Variants in AGTPBP1 observed in about 807,000 individuals in gnomAD.
AGTPBP1 encodes the protein cytosolic carboxypeptidase 1.
In AGTPBP1, 70 loss-of-function variants were observed where a neutral mutation model predicts 143.9. The ratio of observed to expected loss-of-function variants is 0.49; its 90% CI spans 0.40 to 0.59. The LOEUF is 0.59. Among genes scored for constraint, AGTPBP1 ranks in the 20% least tolerant of loss-of-function variants. The pLI, the probability that AGTPBP1 is intolerant of heterozygous loss-of-function variation, is 0.00. For missense variants in AGTPBP1, 1,229 were observed against 1,464.5 expected, an observed-to-expected ratio of 0.84 and a Z score of 2.62; for synonymous variants, 463 against 500.2, an observed-to-expected ratio of 0.93 and a Z score of 0.99.
chr9:85,596,964 A>G (rs1347910979), intron 17 of AGTPBP1, among the ~76,000 whole-genome samples: 1 of 152,134 alleles, frequency 6.6e-6, no homozygotes, highest in African/African-American at 2.4e-5. Context: ...TCTTAGAAAT[A>G]TATTTTCCAC....
In AGTPBP1 at chr9:85,690,809, T is replaced by G. The variant is rs73478994; in HGVS notation, c.157+1880A>C. Among the ~76,000 whole-genome samples, 1,463 of 151,680 alleles carry G rather than the reference T, an allele frequency of 9.6e-3. 14 individuals are homozygous for G. Among genetic ancestry groups the G allele is most frequent in the African/African-American group, 0.034 (1,399 of 41,314 alleles). ...GTGATAGGGTCAGGAGTATTTTCAG[T>G]GGTGGTAAGAGGGTCATTCTCTAAT... On this transcript the variant is annotated intron_variant, in intron 3 of 25. Transcript: ENST00000357081.
the AGTPBP1 span, among the ~76,000 whole-genome samples, chr9:85,795,213 A>G: frequency 6.6e-6 from 1 of 152,228 alleles, no homozygotes. Context: ...TGTAGTCTAT[A>G]GTATGAGATC....
intron 13 of AGTPBP1, among the ~76,000 whole-genome samples, chr9:85,635,280 T>C (rs1180347781): frequency 6.6e-6 from 1 of 152,200 alleles, no homozygotes; most frequent in Non-Finnish European, 1.5e-5. Flanking sequence ...GAATCTTCCA[T>C]TGTGATTTAT....
chr9:85,718,388 G>GT (rs1342151310), intron 1 of AGTPBP1, among the ~76,000 whole-genome samples: 1 of 152,156 alleles, frequency 6.6e-6, no homozygotes, highest in East Asian at 1.9e-4. Flanking sequence ...GTATCTCATT[G>GT]TGGTTTTGAT....
intron 14 of AGTPBP1, among the ~76,000 whole-genome samples, chr9:85,626,847 T>A (rs576394844): frequency 2.0e-5 from 3 of 152,338 alleles, no homozygotes; most frequent in African/African-American, 7.2e-5. Context: ...CATATCATTT[T>A]CATGTGCCAC....
intron 8 of AGTPBP1, among the ~76,000 whole-genome samples, chr9:85,667,903 T>TA (rs11433029): frequency 0.32 from 31,893 of 99,100 alleles, 5,022 homozygotes; most frequent in East Asian, 0.74. Context: ...AAGCCAACTG[T>TA]AAAAAAAAAA....
At chr9:85,642,739 A>C in intron 13 of AGTPBP1, 88 bp downstream of exon 13, 2 of 1,047,984 alleles carry the variant, frequency 1.9e-6, no homozygotes, top group South Asian at 1.4e-5. Flanking sequence ...AAATGGAAAG[A>C]AAATAAAAAC....
intron 17 of AGTPBP1, among the ~76,000 whole-genome samples, chr9:85,598,378 T>A (rs1380589283): frequency 6.6e-6 from 1 of 152,232 alleles, no homozygotes; most frequent in Non-Finnish European, 1.5e-5. Context: ...CTTGTTCTTG[T>A]ATCTCACATC....
chr9:85,547,445 G>C (rs1825796548), intron 25 of AGTPBP1, among the ~76,000 whole-genome samples, 159 bp from the exon 26 acceptor site: 1 of 152,108 alleles, frequency 6.6e-6, no homozygotes, highest in African/African-American at 2.4e-5. Flanking sequence ...ATTTATAATA[G>C]GTGAAAGTTC....
intron 18 of AGTPBP1, among the ~76,000 whole-genome samples, chr9:85,594,048 G>A (rs1462780372): frequency 6.6e-6 from 1 of 152,084 alleles, no homozygotes; most frequent in African/African-American, 2.4e-5. Context: ...CAATGACAGA[G>A]TGCTAAGGAT....
chr9:85,742,172 G>T (rs1824383745), upstream of AGTPBP1: 3 of 481,114 alleles, frequency 6.2e-6, no homozygotes, highest in East Asian at 1.7e-4. Flanking sequence ...GCGTGGGGGC[G>T]GAGCGCGCAC....
At chr9:85,782,959 T>A in the AGTPBP1 span, among the ~76,000 whole-genome samples, 1 of 152,168 alleles carries the variant, frequency 6.6e-6, no homozygotes, top group Non-Finnish European at 1.5e-5. Flanking sequence ...ATAGTCAACA[T>A]AAGACCACTT....
At chr9:85,759,005 A>C in the AGTPBP1 span, among the ~76,000 whole-genome samples, 2 of 152,206 alleles carry the variant, frequency 1.3e-5, no homozygotes, top group Non-Finnish European at 2.9e-5. Flanking sequence ...AAACTAACAA[A>C]GATCAAAAGA....
intron 13 of AGTPBP1, among the ~76,000 whole-genome samples, chr9:85,641,925 C>G (rs1832500366): frequency 6.6e-6 from 1 of 152,086 alleles, no homozygotes; most frequent in Admixed American, 6.5e-5. Context: ...TCTCGAACTC[C>G]TGACCTCAAA....
chr9:85,804,388 G>A, the AGTPBP1 span, among the ~76,000 whole-genome samples: 2 of 152,024 alleles, frequency 1.3e-5, no homozygotes, highest in African/African-American at 2.4e-5. Flanking sequence ...ACTCCTTCAT[G>A]CTGCGTTTCT....
At chr9:85,598,577 T>C (rs1365731141) in intron 17 of AGTPBP1, among the ~76,000 whole-genome samples, 3 of 152,244 alleles carry the variant, frequency 2.0e-5, no homozygotes, top group African/African-American at 7.2e-5. Context: ...GCCCTGCTTA[T>C]GTAAGTGCCA....
At chr9:85,690,716 G>C (rs1476751134) in intron 3 of AGTPBP1, among the ~76,000 whole-genome samples, 1 of 145,580 alleles carries the variant, frequency 6.9e-6, no homozygotes, top group Non-Finnish European at 1.5e-5. Flanking sequence ...GGTGGGAAGA[G>C]GATCATTCTC....
chr9:85,590,688 G>A (rs1487803977), intron 19 of AGTPBP1, among the ~76,000 whole-genome samples: 2 of 152,134 alleles, frequency 1.3e-5, no homozygotes, highest in Non-Finnish European at 2.9e-5. Context: ...TCTGGGCAGT[G>A]AGGAAAGGTC....
At position 85,625,757 on chromosome 9, in the gene AGTPBP1, T is replaced by G. The variant is rs1035288134; in HGVS notation, c.2016-4472A>C. On this transcript the variant is annotated intron_variant, in intron 14 of 25. Coordinates refer to ENST00000357081, the MANE Select transcript of AGTPBP1 (RefSeq NM_001330701.2). ...AAAATTAGCCAGAAGTGGTGGCACG[T>G]GCCTGTAATCCCAGCTACTTGGGAG... 1.3e-4 allele frequency among the ~76,000 whole-genome samples: 20 copies of G among 151,830 alleles called. No homozygotes were observed. The South Asian group carries it at 3.7e-3, about 28-fold the overall frequency.
Sources: gnomAD v4.1 joint callset for allele counts (sites outside exome capture counted in the v4.1 genomes callset) on GRCh38, gnomAD v4.1.1 for gene constraint, MANE v1.5 for transcripts, NCBI Gene and HGNC (gene_info 2026-07-23, HGNC 2026-07-21) for gene names.